EPHB1: variants seen among roughly 807,000 people sequenced by gnomAD.
EPHB1 encodes the protein ephrin type-B receptor 1.
In EPHB1, 30 loss-of-function variants were observed where a neutral mutation model predicts 94.4. The observed-to-expected ratio is 0.32, with a 90% CI of 0.24 to 0.43. The LOEUF is 0.43. Ranked by LOEUF, EPHB1 falls within the 20% of genes least tolerant of loss-of-function variation. The pLI, the probability that EPHB1 is intolerant of heterozygous loss-of-function variation, is 1.00. For missense variants in EPHB1, 1,055 were observed against 1,308.3 expected, an observed-to-expected ratio of 0.81 and a Z score of 2.99; for synonymous variants, 522 against 489.1, an observed-to-expected ratio of 1.07 and a Z score of -0.89.
rs556751162 is a variant in EPHB1, at chr3:135,103,446, C to A, written c.806-3002C>A. On this transcript the variant is annotated intron_variant, in intron 3 of 15. Coordinates refer to ENST00000398015, the MANE Select transcript of EPHB1 (RefSeq NM_004441.5). ...AATTCTAAAAGTCCCTGCAAAGAAA[C>A]CTTGCTTTTGTTTTTTAAAGGAGTG... Among the ~76,000 whole-genome samples the A allele has an allele frequency of 7.2e-5, 11 of 152,226 alleles. No individual in the cohort carries two copies. The South Asian group carries it at 1.9e-3, about 26-fold the overall frequency.
chr3:135,179,323 G>A (rs139356888), intron 9 of EPHB1, among the ~76,000 whole-genome samples: 5 of 152,028 alleles, frequency 3.3e-5, no homozygotes, highest in Admixed American at 1.3e-4. Flanking sequence ...CTGGTGTACC[G>A]TCTTGGCACT....
At chr3:135,055,710 G>T (rs952537386) in intron 3 of EPHB1, among the ~76,000 whole-genome samples, 5 of 151,976 alleles carry the variant, frequency 3.3e-5, no homozygotes, top group African/African-American at 7.2e-5. Context: ...CACACCCGGG[G>T]TTGTTGTGGG....
chr3:135,037,935 C>T (rs1936700177), intron 3 of EPHB1, among the ~76,000 whole-genome samples: 2 of 152,122 alleles, frequency 1.3e-5, no homozygotes, highest in African/African-American at 4.8e-5. Context: ...ATTGGTGTGC[C>T]CCATATTAGG....
intron 3 of EPHB1, among the ~76,000 whole-genome samples, chr3:134,987,453 C>T (rs945407936): frequency 6.6e-6 from 1 of 152,114 alleles, no homozygotes; most frequent in African/African-American, 2.4e-5. Context: ...TGTTTCTGTA[C>T]ATGCACACAG....
At chr3:135,094,081 AT>A (rs113794483) in intron 3 of EPHB1, among the ~76,000 whole-genome samples, 1 of 152,174 alleles carries the variant, frequency 6.6e-6, no homozygotes, top group African/African-American at 2.4e-5. Flanking sequence ...TGATTATTTC[AT>A]TTGTATAAAT....
In EPHB1 at chr3:134,844,740, T is replaced by G. The variant is rs114599772; in HGVS notation, c.58+49051T>G. ...ACTCCCGTCTTTGATACATAAATACTTCTCAGATTGTTGAACATCTTTGGT... is the reference window on the plus strand; with the variant it reads ...ACTCCCGTCTTTGATACATAAATACGTCTCAGATTGTTGAACATCTTTGGT... On this transcript the variant is annotated intron_variant, in intron 1 of 15. Transcript: ENST00000398015. Among the ~76,000 whole-genome samples the G allele has an allele frequency of 2.0e-3, 299 of 152,358 alleles. 2 individuals carry two copies. The highest frequency in any genetic ancestry group is 3.6e-3 in the Non-Finnish European group (245 of 68,038).
intron 3 of EPHB1, among the ~76,000 whole-genome samples, chr3:135,059,610 T>G (rs1300913044): frequency 6.6e-6 from 1 of 152,216 alleles, no homozygotes; most frequent in African/African-American, 2.4e-5. Flanking sequence ...GTTCGTTGAC[T>G]GTGATGGGTA....
chr3:134,954,868 G>C (rs987955369), intron 3 of EPHB1, among the ~76,000 whole-genome samples: 2 of 152,112 alleles, frequency 1.3e-5, no homozygotes, highest in African/African-American at 4.8e-5. Flanking sequence ...GGCACCTGGA[G>C]ACCAATTAGA....
chr3:135,193,056 A>G (rs755482458), intron 11 of EPHB1, among the ~76,000 whole-genome samples: 2 of 152,226 alleles, frequency 1.3e-5, no homozygotes, highest in Non-Finnish European at 2.9e-5. Context: ...TATTGGATGA[A>G]TAAAATGAAT....
At chr3:134,959,905 C>T (rs1044212677) in intron 3 of EPHB1, among the ~76,000 whole-genome samples, 1 of 146,784 alleles carries the variant, frequency 6.8e-6, no homozygotes, top group Non-Finnish European at 1.5e-5. Context: ...GCTTTTGGTC[C>T]CCATCTCTTG....
rs1943651057 is a variant in EPHB1 at position 135,236,303 on chromosome 3, T to C, written c.2347-4845T>C. ...TCACATGGTATTCTCCCTGGTGTGT[T>C]GCTGTATTTTCATTCGGCCTTCTTA... On this transcript the variant is annotated intron_variant, in intron 12 of 15. Transcript: ENST00000398015. Among the ~76,000 whole-genome samples, 8 of 152,188 alleles carry C rather than the reference T, an allele frequency of 5.3e-5. No individual in the cohort carries two copies. The South Asian group carries it at 1.7e-3, about 32-fold the overall frequency.
At chr3:134,815,851 G>A (rs571527628) in intron 1 of EPHB1, among the ~76,000 whole-genome samples, 7 of 152,324 alleles carry the variant, frequency 4.6e-5, no homozygotes, top group South Asian at 2.1e-4. Flanking sequence ...AAAGTCAAAA[G>A]TATGCTGAAG....
chr3:135,169,136 C>T (rs1225349565), intron 9 of EPHB1, among the ~76,000 whole-genome samples: 2 of 152,104 alleles, frequency 1.3e-5, no homozygotes, highest in Non-Finnish European at 2.9e-5. Context: ...CTCACAGCTA[C>T]CTTTTGGGGG....
At chr3:135,258,048 G>A (rs1444836855) in intron 15 of EPHB1, among the ~76,000 whole-genome samples, 4 of 152,154 alleles carry the variant, frequency 2.6e-5, no homozygotes, top group Non-Finnish European at 5.9e-5. Flanking sequence ...TCCCAAGTGA[G>A]GCAATGCCTC....
intron 2 of EPHB1, among the ~76,000 whole-genome samples, chr3:134,942,070 A>G (rs541255371): frequency 5.3e-5 from 8 of 152,318 alleles, no homozygotes; most frequent in Middle Eastern, 3.4e-3. Flanking sequence ...GCAGTTAATA[A>G]TCTGTTGGTT....
At chr3:134,978,997 G>C (rs139052556) in intron 3 of EPHB1, among the ~76,000 whole-genome samples, 1 of 152,308 alleles carries the variant, frequency 6.6e-6, no homozygotes, top group East Asian at 1.9e-4. Flanking sequence ...GGGGCCAGGG[G>C]CCTTGGGGTC....
At chr3:135,203,226 T>A (rs1339977930) in intron 12 of EPHB1, among the ~76,000 whole-genome samples, 1 of 152,016 alleles carries the variant, frequency 6.6e-6, no homozygotes, top group East Asian at 1.9e-4. Context: ...CATGTGAACA[T>A]CACACACTGG....
At chr3:134,931,917 A>G in intron 2 of EPHB1, among the ~76,000 whole-genome samples, 1 of 152,114 alleles carries the variant, frequency 6.6e-6, no homozygotes, top group Admixed American at 6.5e-5. Context: ...GTATATATGT[A>G]TATGTGTGTA....
At chr3:134,919,753 C>G (rs1367224998) in intron 1 of EPHB1, among the ~76,000 whole-genome samples, 2 of 152,146 alleles carry the variant, frequency 1.3e-5, no homozygotes, top group East Asian at 3.9e-4. Flanking sequence ...CACGCACACC[C>G]TTGGCACCTA....
Sources: allele counts gnomAD v4.1 joint callset (sites outside exome capture counted in the v4.1 genomes callset), GRCh38; gene constraint gnomAD v4.1.1; transcripts MANE v1.5; gene names NCBI Gene and HGNC (gene_info 2026-07-23, HGNC 2026-07-21).